The following CILK1 variants were observed in gnomAD, a reference collection of about 807,000 sequenced individuals.
CILK1 encodes the protein ciliogenesis associated kinase 1, also known as serine/threonine-protein kinase ICK.
CILK1 carries 47 observed loss-of-function variants against 79.2 expected under a neutral mutation model. That is an observed-to-expected ratio of 0.59 (90% CI 0.47 to 0.76). CILK1 has a LOEUF of 0.76. CILK1 is among the 30% of genes least tolerant of loss of function. CILK1 has a pLI of 0.00. For synonymous variants in CILK1, 266 were observed against 275.9 expected (o/e 0.96, Z 0.36); for missense variants, 660 against 769.5 (o/e 0.86, Z 1.68).
intron 1 of CILK1, among the ~76,000 whole-genome samples, chr6:53,050,217 G>A (rs900757039): frequency 2.0e-5 from 3 of 152,020 alleles, no homozygotes; most frequent in Non-Finnish European, 2.9e-5. Context: ...TGAAATCTCT[G>A]AGTATATGAC....
intron 1 of CILK1, among the ~76,000 whole-genome samples, chr6:53,055,548 G>T (rs768749501): frequency 6.6e-6 from 1 of 152,196 alleles, no homozygotes; most frequent in Non-Finnish European, 1.5e-5. Context: ...TTCAGCTATT[G>T]CATCAACTGG....
intron 3 of CILK1, among the ~76,000 whole-genome samples, chr6:53,037,161 G>T (rs1400341678): frequency 6.6e-6 from 1 of 152,098 alleles, no homozygotes; most frequent in Non-Finnish European, 1.5e-5. Context: ...ATTAGATGAA[G>T]CACCACTCCA....
chr6:53,061,164 C>T (rs1361015129), intron 1 of CILK1: 1 of 152,186 alleles, frequency 6.6e-6, no homozygotes, highest in Non-Finnish European at 1.5e-5. Flanking sequence ...CGTCAATATC[C>T]TTCTCATAAC....
intron 1 of CILK1, chr6:53,051,985 A>G (rs1273469118): frequency 6.6e-6 from 1 of 152,196 alleles, no homozygotes; most frequent in Non-Finnish European, 1.5e-5. Context: ...GGTTTGTTAC[A>G]TAGGTATACG....
At chr6:53,026,226 G>A (rs769433337) in intron 5 of CILK1, among the ~76,000 whole-genome samples, 9 of 152,136 alleles carry the variant, frequency 5.9e-5, no homozygotes, top group Non-Finnish European at 1.3e-4. Flanking sequence ...GTACAGTGGT[G>A]CCATCTCGGC....
intron 11 of CILK1, among the ~76,000 whole-genome samples, chr6:53,010,330 G>A (rs951742256): frequency 6.6e-6 from 1 of 152,130 alleles, no homozygotes; most frequent in African/African-American, 2.4e-5. Context: ...TGCATCAAGA[G>A]GGCCTGCCAT....
At chr6:53,035,150 A>C (rs2127443911) in intron 3 of CILK1, among the ~76,000 whole-genome samples, 1 of 152,214 alleles carries the variant, frequency 6.6e-6, no homozygotes, top group East Asian at 1.9e-4. Context: ...TGACTTGATG[A>C]GGTTGAAAAG....
intron 5 of CILK1, among the ~76,000 whole-genome samples, chr6:53,026,546 C>T (rs1346123152): frequency 6.6e-6 from 1 of 152,210 alleles, no homozygotes; most frequent in Non-Finnish European, 1.5e-5. Flanking sequence ...GACTCTCCCA[C>T]ATACCTGTTG....
At chr6:53,044,924 G>A (rs1210702660) in intron 1 of CILK1, among the ~76,000 whole-genome samples, 1 of 152,146 alleles carries the variant, frequency 6.6e-6, no homozygotes, top group South Asian at 2.1e-4. Context: ...ATAAATTTCT[G>A]TTAAGACACC....
At chr6:53,027,788 T>G (rs1178556804) in intron 5 of CILK1, among the ~76,000 whole-genome samples, 1 of 152,060 alleles carries the variant, frequency 6.6e-6, no homozygotes, top group Non-Finnish European at 1.5e-5. Context: ...GTGGATCACT[T>G]GACAGCAGGA....
At chr6:53,016,060 A>T (rs570364049) in intron 8 of CILK1, 23 bp downstream of exon 8, 3 of 1,611,504 alleles carry the variant, frequency 1.9e-6, no homozygotes, top group Non-Finnish European at 2.5e-6. Flanking sequence ...TATGAACGTT[A>T]TAACAAGAAA....
intron 12 of CILK1, among the ~76,000 whole-genome samples, chr6:53,008,277 A>G (rs1381371549): frequency 6.6e-6 from 1 of 151,968 alleles, no homozygotes; most frequent in African/African-American, 2.4e-5. Flanking sequence ...GATTATCTTC[A>G]CATAAATTTT....
chr6:53,019,740 C>T (rs905531186), intron 5 of CILK1, among the ~76,000 whole-genome samples: 36 of 152,102 alleles, frequency 2.4e-4, no homozygotes, highest in African/African-American at 7.5e-4. Flanking sequence ...AATCATAGTT[C>T]GCTGCAGTCT....
intron 9 of CILK1, among the ~76,000 whole-genome samples, chr6:53,012,932 C>G (rs1463519779): frequency 2.6e-5 from 4 of 152,212 alleles, no homozygotes; most frequent in Non-Finnish European, 4.4e-5. Context: ...ATCTAACACT[C>G]ATTTTTTTCT....
intron 1 of CILK1, among the ~76,000 whole-genome samples, chr6:53,058,044 C>T (rs1382231423): frequency 1.3e-5 from 2 of 152,144 alleles, no homozygotes; most frequent in Non-Finnish European, 2.9e-5. Context: ...GTAAGTCCCA[C>T]GACAAGACAC....
At chr6:53,040,025 C>A (rs942402114) in intron 2 of CILK1, among the ~76,000 whole-genome samples, 1 of 152,088 alleles carries the variant, frequency 6.6e-6, no homozygotes, top group Non-Finnish European at 1.5e-5. Flanking sequence ...ATAGGAAACA[C>A]TGAAGAAGAA....
At chr6:53,053,690 G>GT (rs1246082736) in intron 1 of CILK1, among the ~76,000 whole-genome samples, 1 of 152,200 alleles carries the variant, frequency 6.6e-6, no homozygotes, top group African/African-American at 2.4e-5. Flanking sequence ...GTAGTACTTT[G>GT]TATCTCAAAG....
chr6:53,006,441 A>T lies in CILK1; in HGVS notation c.1622-4T>A. ...GAACTTGTAGAGCTGGAACCAACTG[A>T]TTTGCAAAAGCAAAAAGCTCATTAT... On this transcript the variant is annotated splice_polypyrimidine_tract_variant and splice_region_variant and intron_variant, in intron 12 of 13. Transcript: ENST00000676107. 1 of 1,613,666 alleles carries T rather than the reference A, an allele frequency of 6.2e-7. No homozygotes were observed. The highest frequency in any genetic ancestry group is 8.5e-7 in the Non-Finnish European group (1 of 1,179,832).
chr6:53,052,312 A>G (rs1294382519), intron 1 of CILK1, among the ~76,000 whole-genome samples: 1 of 152,220 alleles, frequency 6.6e-6, no homozygotes, highest in East Asian at 1.9e-4. Flanking sequence ...AACTTTGCAT[A>G]GTGAACAAGA....
Sources: gnomAD v4.1 joint callset for allele counts (sites outside exome capture counted in the v4.1 genomes callset) on GRCh38, gnomAD v4.1.1 for gene constraint, MANE v1.5 for transcripts, NCBI Gene and HGNC (gene_info 2026-07-23, HGNC 2026-07-21) for gene names.